Variants in TSPEAR observed in about 807,000 individuals in gnomAD.
TSPEAR encodes the protein thrombospondin-type laminin G domain and EAR repeat-containing protein.
In TSPEAR, 69 loss-of-function variants were observed where a neutral mutation model predicts 71.6. The ratio of observed to expected loss-of-function variants is 0.96; its 90% CI spans 0.79 to 1.18. The LOEUF is 1.18. TSPEAR is among the 50% of genes most tolerant of loss of function. TSPEAR has a pLI of 0.00. For synonymous variants in TSPEAR, 402 were observed against 387.2 expected (o/e 1.04, Z -0.45); for missense variants, 971 against 894.9 (o/e 1.09, Z -1.09).
At chr21:44,533,953 G>A (rs1239628294) in intron 2 of TSPEAR, 30 bp from the exon 3 acceptor site, 2 of 1,570,202 alleles carry the variant, frequency 1.3e-6, no homozygotes, top group Non-Finnish European at 1.7e-6. Flanking sequence ...CTCAGGACGG[G>A]GCTGGGGGTA....
chr21:44,638,233 G>A, intron 1 of TSPEAR: 1 of 1,556,900 alleles, frequency 6.4e-7, no homozygotes, highest in Non-Finnish European at 8.7e-7. Context: ...AGCTGCCCCA[G>A]CAAGCTCTGC....
intron 1 of TSPEAR, chr21:44,592,118 C>G: frequency 6.9e-7 from 1 of 1,455,948 alleles, no homozygotes; most frequent in Non-Finnish European, 9.2e-7. Context: ...ACACAGCACA[C>G]AGGCTTGCAG....
intron 1 of TSPEAR, chr21:44,654,273 T>C (rs781821126): frequency 1.9e-6 from 3 of 1,612,098 alleles, no homozygotes; most frequent in Non-Finnish European, 2.5e-6. Flanking sequence ...GGAGGCCACC[T>C]GCTCAGCAGC....
intron 1 of TSPEAR, among the ~76,000 whole-genome samples, chr21:44,649,203 A>G (rs868961825): frequency 6.6e-6 from 1 of 152,140 alleles, no homozygotes; most frequent in Non-Finnish European, 1.5e-5. Context: ...TCAGGGTGTG[A>G]TCAGAGACCC....
chr21:44,539,950 G>A (rs1555916998), intron 2 of TSPEAR: 1 of 1,613,596 alleles, frequency 6.2e-7, no homozygotes, highest in Non-Finnish European at 8.5e-7. Context: ...AGCCTGATTG[G>A]CAGGGGCTGG....
intron 1 of TSPEAR, among the ~76,000 whole-genome samples, chr21:44,679,272 C>G (rs587691524): frequency 6.6e-6 from 1 of 152,182 alleles, no homozygotes; most frequent in Non-Finnish European, 1.5e-5. Flanking sequence ...CATAGACCTG[C>G]CCATGGAACA....
intron 1 of TSPEAR, chr21:44,702,316 C>A: frequency 6.2e-7 from 1 of 1,609,986 alleles, no homozygotes; most frequent in East Asian, 2.2e-5. Context: ...TGCCCCGGCC[C>A]CCTGCCTGAC....
At chr21:44,559,361 G>A (rs1331099307) in intron 2 of TSPEAR, among the ~76,000 whole-genome samples, 2 of 152,224 alleles carry the variant, frequency 1.3e-5, no homozygotes, top group African/African-American at 4.8e-5. Context: ...TTCCTGGGCA[G>A]AGATTGGCTC....
intron 2 of TSPEAR, among the ~76,000 whole-genome samples, chr21:44,548,194 T>G (rs1179832104): frequency 1.3e-5 from 2 of 152,222 alleles, no homozygotes; most frequent in African/African-American, 2.4e-5. Flanking sequence ...AACAGACAAC[T>G]GCACTGCCTT....
rs147642021 is a variant in TSPEAR, at chr21:44,696,200, G to A, written c.82+15233C>T. On this transcript the variant is annotated intron_variant, in intron 1 of 11. Transcript: ENST00000323084. ...TCCTTTTTTATAGCTAGACCCAACCGTCTGGGCACCCATCAGATATTTTCA... is the reference window on the plus strand; with the variant it reads ...TCCTTTTTTATAGCTAGACCCAACCATCTGGGCACCCATCAGATATTTTCA... Among the ~76,000 whole-genome samples, 439 of 152,130 alleles carry A rather than the reference G, an allele frequency of 2.9e-3. 7 individuals carry two copies. Among genetic ancestry groups the A allele is most frequent in the African/African-American group, 0.01 (425 of 41,494 alleles).
At chr21:44,500,408 C>G (rs146344054) in intron 11 of TSPEAR, among the ~76,000 whole-genome samples, 1 of 152,212 alleles carries the variant, frequency 6.6e-6, no homozygotes, top group Admixed American at 6.5e-5. Flanking sequence ...TTGCTCTGGG[C>G]GGCTGCTGGC....
At chr21:44,689,737 A>ATATATATATATATATATATATATATT (rs1987043074) in intron 1 of TSPEAR, among the ~76,000 whole-genome samples, 2 of 127,154 alleles carry the variant, frequency 1.6e-5, no homozygotes, top group African/African-American at 6.4e-5. Flanking sequence ...ATATATATAT[A>ATATATATATATATATATATATATATT]TATTTTGGGG....
At chr21:44,666,828 C>A in intron 1 of TSPEAR, 1 of 1,609,290 alleles carries the variant, frequency 6.2e-7, no homozygotes, top group Non-Finnish European at 8.5e-7. Flanking sequence ...GGCTGGCTGG[C>A]AGGGGCTGGG....
chr21:44,629,897 G>A (rs587706585), intron 1 of TSPEAR, among the ~76,000 whole-genome samples: 2 of 152,326 alleles, frequency 1.3e-5, no homozygotes, highest in Admixed American at 6.5e-5. Flanking sequence ...GGTGGGGATG[G>A]AGCGCAGGCC....
chr21:44,566,965 A>G (rs189634574), intron 2 of TSPEAR, among the ~76,000 whole-genome samples: 7 of 152,326 alleles, frequency 4.6e-5, no homozygotes, highest in African/African-American at 1.7e-4. Flanking sequence ...ATTCTTGGAT[A>G]TGATATCAAA....
chr21:44,702,768 A>T, intron 1 of TSPEAR: 1 of 1,347,290 alleles, frequency 7.4e-7, no homozygotes, highest in South Asian at 1.2e-5. Context: ...TGGCCTGCTG[A>T]GGCCTCTGCT....
rs782337864 is a variant in TSPEAR, at chr21:44,658,190, C to A, written c.82+53243G>T. 36 of 1,613,996 alleles carry A rather than the reference C, an allele frequency of 2.2e-5. No homozygotes were observed. In the Admixed American group the frequency reaches 2.5e-4, roughly 11 times the overall value. On this transcript the variant is annotated intron_variant, in intron 1 of 11. Coordinates refer to ENST00000323084, the MANE Select transcript of TSPEAR (RefSeq NM_144991.3). The stretch of plus-strand genomic sequence containing the variant: ...CATCATATATGTGACTCCCTCTTGC[C>A]AATCTTCGGGGTGCTGCCAGCCCCC...
chr21:44,554,208 C>T (rs9974149), intron 2 of TSPEAR, among the ~76,000 whole-genome samples: 4,688 of 152,194 alleles, frequency 0.031, 227 homozygotes, highest in African/African-American at 0.11. Context: ...AAGAAGAAAC[C>T]GTGGAGAGAT....
chr21:44,549,847 T>A (rs1390653066), intron 2 of TSPEAR, among the ~76,000 whole-genome samples: 2 of 152,212 alleles, frequency 1.3e-5, no homozygotes, highest in Admixed American at 1.3e-4. Context: ...GGAGGCCGCG[T>A]CTCTGTTCTC....
Sources: gnomAD v4.1 joint callset for allele counts (sites outside exome capture counted in the v4.1 genomes callset) on GRCh38, gnomAD v4.1.1 for gene constraint, MANE v1.5 for transcripts, NCBI Gene and HGNC (gene_info 2026-07-23, HGNC 2026-07-21) for gene names.